The following PCDHGB2 variants were observed in gnomAD, a reference collection of about 807,000 sequenced individuals.
PCDHGB2 encodes protocadherin gamma-B2.
In PCDHGB2, 55 loss-of-function variants were observed where a neutral mutation model predicts 59.3. The observed-to-expected ratio is 0.93, with a 90% CI of 0.75 to 1.16. PCDHGB2 has a LOEUF of 1.16. PCDHGB2 is among the 50% of genes most tolerant of loss of function. PCDHGB2 has a pLI of 0.00. For synonymous variants in PCDHGB2, 516 were observed against 512.0 expected, an observed-to-expected ratio of 1.01 and a Z score of -0.11; for missense variants, 1,228 against 1,198.5, an observed-to-expected ratio of 1.02 and a Z score of -0.36.
At chr5:141,409,632 C>G (rs1279542488) in intron 1 of PCDHGB2, 1 of 1,613,848 alleles carries the variant, frequency 6.2e-7, no homozygotes, top group East Asian at 2.2e-5. Context: ...GTGAGCGCCT[C>G]TGACCCGGAT....
chr5:141,361,004 A>G lies in PCDHGB2; in HGVS notation c.869A>G (p.His290Arg). The change falls in exon 1 of 4, where the codon CAC (histidine) becomes CGC (arginine). Residue 290 changes from histidine (H) to arginine (R), a missense_variant. Coordinates refer to ENST00000522605, the MANE Select transcript of PCDHGB2 (RefSeq NM_018923.3). ...CATAATGTGGACGAACAAGTGAAACACTTTTTCAACTTAAATGAAAAAACA... is the reference window on the plus strand; with the variant it reads ...CATAATGTGGACGAACAAGTGAAACGCTTTTTCAACTTAAATGAAAAAACA... The part of the protein sequence containing the change: ...SFHNVDEQVK[H>R]FFNLNEKTGE... The G allele has an allele frequency of 6.2e-7, 1 of 1,613,282 alleles. No homozygotes were observed. The highest frequency in any genetic ancestry group is 1.3e-5 in the African/African-American group (1 of 75,062).
At chr5:141,412,931 T>A in intron 1 of PCDHGB2, 1 of 453,226 alleles carries the variant, frequency 2.2e-6, no homozygotes, top group Non-Finnish European at 3.9e-6. Context: ...CAGTAACTTC[T>A]TAGGACTCTG....
intron 1 of PCDHGB2, among the ~76,000 whole-genome samples, chr5:141,445,489 G>A (rs934531418): frequency 7.2e-5 from 11 of 152,188 alleles, no homozygotes; most frequent in Non-Finnish European, 1.3e-4. Context: ...GAGTTAATGG[G>A]CCCTATTCTA....
intron 1 of PCDHGB2, among the ~76,000 whole-genome samples, chr5:141,455,286 T>G (rs889792228): frequency 6.6e-6 from 1 of 152,176 alleles, no homozygotes; most frequent in African/African-American, 2.4e-5. Flanking sequence ...AACATCACTT[T>G]ACATAGTTTC....
intron 1 of PCDHGB2, chr5:141,423,599 C>T (rs1185412610): frequency 6.2e-7 from 1 of 1,612,844 alleles, no homozygotes; most frequent in Non-Finnish European, 8.5e-7. Context: ...AAAAGCGAGC[C>T]ACTCTTGATA....
Position 141,476,845 on chromosome 5 carries a change from C to T in PCDHGB2, c.2422-17962C>T. On this transcript the variant is annotated intron_variant, in intron 1 of 3. Transcript: ENST00000522605. The surrounding 1 kb of genome is among the most constrained non-coding windows in gnomAD (Gnocchi z 7.6). ...TGGACGCGAATGACAATGCGCCTGT[C>T]TTCAACCAGTCCTTGTACCGGGCGC... 1 of 1,613,794 alleles carries T rather than the reference C, an allele frequency of 6.2e-7. No homozygotes were observed. Among genetic ancestry groups the T allele is most frequent in the Non-Finnish European group, 8.5e-7 (1 of 1,180,054 alleles).
intron 1 of PCDHGB2, chr5:141,426,860 A>T (rs771106873): frequency 2.6e-5 from 12 of 456,702 alleles, no homozygotes; most frequent in Admixed American, 2.3e-4. Flanking sequence ...CTCCAGAATT[A>T]GTGCTGGAGA....
intron 1 of PCDHGB2, chr5:141,389,763 G>C: frequency 6.2e-7 from 1 of 1,612,978 alleles, no homozygotes; most frequent in African/African-American, 1.3e-5. Context: ...AGTGCGCACA[G>C]CGCGTGCCTT....
chr5:141,455,580 T>G (rs572453788), intron 1 of PCDHGB2, among the ~76,000 whole-genome samples: 26 of 152,142 alleles, frequency 1.7e-4, no homozygotes, highest in Middle Eastern at 3.2e-3. Context: ...ACCCCAGCCT[T>G]TTAATATGCA....
intron 1 of PCDHGB2, chr5:141,427,703 C>T (rs529490424): frequency 1.0e-6 from 1 of 957,508 alleles, no homozygotes. Flanking sequence ...CACAAGTCAG[C>T]GCCTCTGACC....
intron 2 of PCDHGB2, among the ~76,000 whole-genome samples, chr5:141,500,212 ATT>A (rs1336187706): frequency 5.4e-5 from 8 of 148,798 alleles, no homozygotes; most frequent in African/African-American, 2.0e-4. Context: ...TTATTTATTT[ATT>A]TATTTATTTA....
At position 141,487,507 on chromosome 5, in the gene PCDHGB2, A is replaced by C; in HGVS notation, c.2422-7300A>C. 6.2e-7 allele frequency: 1 copy of C among 1,614,138 alleles called. No individual in the cohort carries two copies. Among genetic ancestry groups the C allele is most frequent in the Non-Finnish European group, 8.5e-7 (1 of 1,180,028 alleles). On this transcript the variant is annotated intron_variant, in intron 1 of 3. Coordinates refer to ENST00000522605, the MANE Select transcript of PCDHGB2 (RefSeq NM_018923.3). This position sits in a 1 kb window ranked among gnomAD's most constrained non-coding sequence, Gnocchi z 5.0. ...ATGGCTGTACACCCTTGGCTTCTGC[A>C]CCCACTCGGAGTGATAGCTTCATGA...
At chr5:141,500,045 T>C (rs2099796072) in intron 2 of PCDHGB2, among the ~76,000 whole-genome samples, 1 of 152,062 alleles carries the variant, frequency 6.6e-6, no homozygotes, top group South Asian at 2.1e-4. Flanking sequence ...CTTAAGTATC[T>C]TAATGCTCTT....
Position 141,449,530 on chromosome 5 carries a change from A to G in PCDHGB2, c.2422-45277A>G, listed in dbSNP as rs2098641850. On this transcript the variant is annotated intron_variant, in intron 1 of 3. Transcript: ENST00000522605. ...CTTGAACCTGGGAGGCGGAGGTTGC[A>G]GTGAGCCGAGATCGCACCACTGCAC... Among the ~76,000 whole-genome samples, 4 of 149,684 alleles carry G rather than the reference A, an allele frequency of 2.7e-5. No individual in the cohort carries two copies. The South Asian group carries it at 8.5e-4, about 32-fold the overall frequency.
intron 1 of PCDHGB2, chr5:141,419,592 T>C (rs1561782617): frequency 6.2e-7 from 1 of 1,611,670 alleles, no homozygotes. Context: ...TTCGACACAG[T>C]GCCGCGGGCC....
intron 1 of PCDHGB2, chr5:141,426,513 C>T (rs780618436): frequency 6.2e-5 from 21 of 341,148 alleles, no homozygotes; most frequent in Non-Finnish European, 1.1e-4. Context: ...AATACTTTAC[C>T]GTGAACACGG....
At chr5:141,381,992 G>A (rs553767265) in intron 1 of PCDHGB2, among the ~76,000 whole-genome samples, 50 of 151,748 alleles carry the variant, frequency 3.3e-4, no homozygotes, top group African/African-American at 1.1e-3. Context: ...ACCACGCCCG[G>A]ATAATTTTGT....
At chr5:141,454,953 G>A (rs1304192945) in intron 1 of PCDHGB2, among the ~76,000 whole-genome samples, 4 of 150,686 alleles carry the variant, frequency 2.7e-5, no homozygotes, top group Admixed American at 6.6e-5. Context: ...GACTACAGGC[G>A]CCGGCCACCA....
chr5:141,387,687 G>A, intron 1 of PCDHGB2: 1 of 808,412 alleles, frequency 1.2e-6, no homozygotes, highest in Non-Finnish European at 1.9e-6. Context: ...CGCAGCCGCA[G>A]CGCGCTTTCC....
Sources: gnomAD v4.1 joint callset for allele counts (sites outside exome capture counted in the v4.1 genomes callset) on GRCh38, gnomAD v4.1.1 for gene constraint, Gnocchi (gnomAD v3.1) non-coding constraint, MANE v1.5 for transcripts, NCBI Gene and HGNC (gene_info 2026-07-23, HGNC 2026-07-21) for gene names.